EXO1: variants seen among roughly 807,000 people sequenced by gnomAD.
EXO1 encodes exonuclease 1.
A neutral mutation model predicts 84.5 loss-of-function variants in EXO1; 69 were observed. That is an observed-to-expected ratio of 0.82 (90% CI 0.67 to 1.00). The LOEUF is 1.00. Ranked by LOEUF, EXO1 falls within the 50% of genes least tolerant of loss-of-function variation. The probability of loss-of-function intolerance (pLI) is 0.00; values close to 1 mark genes in which losing one functional copy is unlikely to be tolerated. For missense variants in EXO1, 1,045 were observed against 1,000.7 expected (o/e 1.04, Z -0.60); for synonymous variants, 373 against 366.1 (o/e 1.02, Z -0.21).
At chr1:241,868,539 G>A (rs979311887) in intron 11 of EXO1, among the ~76,000 whole-genome samples, 1 of 152,044 alleles carries the variant, frequency 6.6e-6, no homozygotes, top group Non-Finnish European at 1.5e-5. Flanking sequence ...GTGGTGACGT[G>A]TGTCTGTAGT....
At chr1:241,858,814 A>C in intron 8 of EXO1, 96 bp downstream of exon 8, 2 of 877,644 alleles carry the variant, frequency 2.3e-6, no homozygotes, top group Non-Finnish European at 3.7e-6. Flanking sequence ...CTGTTATGCG[A>C]ATAACCTATA....
chr1:241,873,009 A>G (rs2148485212), intron 12 of EXO1, among the ~76,000 whole-genome samples: 1 of 152,054 alleles, frequency 6.6e-6, no homozygotes. Context: ...CATCCTCTCC[A>G]GCATCTGTTG....
At chr1:241,871,981 C>A in intron 11 of EXO1, 51 bp from the exon 12 acceptor site, 3 of 1,457,132 alleles carry the variant, frequency 2.1e-6, no homozygotes, top group African/African-American at 1.4e-5. Flanking sequence ...AAGGCCAAAT[C>A]TCTAAGTACA....
Position 241,857,336 on chromosome 1 carries a change from C to T in EXO1, c.406-9C>T, listed in dbSNP as rs369374399. On this transcript the variant is annotated splice_polypyrimidine_tract_variant and intron_variant, in intron 6 of 15. Transcript: ENST00000366548. ...CGTGCTAGAGATTCACTGTGATTCT[C>T]TCTTCTAGGCTGCCCGGTCTCAGGG... 3.7e-6 allele frequency: 6 copies of T among 1,611,684 alleles called. No individual in the cohort carries two copies. Among genetic ancestry groups the T allele is most frequent in the Non-Finnish European group, 4.2e-6 (5 of 1,178,718 alleles).
intron 12 of EXO1, among the ~76,000 whole-genome samples, chr1:241,875,130 A>G (rs1405597423): frequency 6.6e-6 from 1 of 151,994 alleles, no homozygotes; most frequent in African/African-American, 2.4e-5. Flanking sequence ...CAGCCTCCCG[A>G]GTAGCTGGGA....
intron 12 of EXO1, among the ~76,000 whole-genome samples, chr1:241,873,093 C>CT (rs1469419386): frequency 6.6e-6 from 1 of 150,558 alleles, no homozygotes; most frequent in Non-Finnish European, 1.5e-5. Flanking sequence ...TTTTTTTATA[C>CT]TTTAAGTTCT....
rs1662789807 is a variant in EXO1 at position 241,881,974 on chromosome 1, G to A, written c.2168G>A (p.Arg723His). Residue 723 changes from arginine (R) to histidine (H), a missense_variant, in exon 14 of 16, where the codon CGT becomes CAT. Transcript: ENST00000366548. ...CAAAGTGACCAGACCTCCAAGCTAC[G>A]TTTATCTCATTTCTCAAAAAAAGAC... ...DSQSDQTSKL[R>H]LSHFSKKDTP... 4 of 1,580,232 alleles carry A rather than the reference G, an allele frequency of 2.5e-6. No homozygotes were observed. The highest frequency in any genetic ancestry group is 1.1e-5 in the South Asian group (1 of 89,058).
chr1:241,877,462 C>T (rs1662464590), intron 12 of EXO1, among the ~76,000 whole-genome samples: 1 of 152,060 alleles, frequency 6.6e-6, no homozygotes, highest in African/African-American at 2.4e-5. Flanking sequence ...CTAGTAAGAG[C>T]TTTTCTTCCA....
rs1462424560 is a variant in EXO1 at position 241,848,916 on chromosome 1, A to T, written c.-234A>T. 1.3e-5 allele frequency: 2 copies of T among 152,196 alleles called. No homozygotes were observed. The highest frequency in any genetic ancestry group is 2.9e-5 in the Non-Finnish European group (2 of 68,046). The allele number at this position is 152,196 out of a possible 1,614,324, so 9.4% of individuals were successfully genotyped here. ...ATTCTTACTACGCTAAAGAAGAAAT[A>T]ATTATTCGAGGATATTTGCCTGGCC... On this transcript the variant is annotated 5_prime_UTR_variant, in exon 2 of 16. It removes the in-frame stop codon of an upstream open reading frame in the 5' UTR. Transcript: ENST00000366548. The surrounding 1 kb of genome is among the most constrained non-coding windows in gnomAD (Gnocchi z 4.2).
At chr1:241,862,598 CTTCTA>C (rs943416219) in intron 10 of EXO1, among the ~76,000 whole-genome samples, 4 of 152,192 alleles carry the variant, frequency 2.6e-5, no homozygotes. Flanking sequence ...GTATAACATG[CTTCTA>C]TTCTTTTCTG....
chr1:241,850,535 A>G lies in EXO1; in HGVS notation c.110A>G (p.Lys37Arg), dbSNP rs1558119367. 1 of 1,614,054 alleles carries G rather than the reference A, an allele frequency of 6.2e-7. No homozygotes were observed. ...VAVDTYCWLHKGAIACAEKLA... is the reference protein window; with the variant it reads ...VAVDTYCWLHRGAIACAEKLA... ...GTGGATACATATTGCTGGCTTCACA[A>G]AGGAGCTATTGCTTGTGCTGAAAAA... is the stretch of plus-strand genomic sequence containing the variant. Residue 37 changes from lysine to arginine, a missense_variant, in exon 4 of 16, where the codon AAA (lysine) becomes AGA (arginine). Lys to Arg is a conservative substitution (Grantham distance 26). Transcript: ENST00000366548.
intron 14 of EXO1, among the ~76,000 whole-genome samples, chr1:241,884,995 C>T (rs1405781996): frequency 6.6e-6 from 1 of 152,040 alleles, no homozygotes. Flanking sequence ...ATCACAAGGT[C>T]AGGAGATCGA....
At chr1:241,861,364 G>T in intron 9 of EXO1, 42 bp from the exon 10 acceptor site, 1 of 957,188 alleles carries the variant, frequency 1.0e-6, no homozygotes, top group South Asian at 1.3e-5. Flanking sequence ...TCATTTGGTT[G>T]GTTGTTAATA....
chr1:241,867,020 C>T lies in EXO1; in HGVS notation c.1232C>T (p.Pro411Leu). The stretch of plus-strand genomic sequence containing the variant: ...ATTAGTACTAAAGGGTTAAATCTCC[C>T]AAGGAAATCATCCATTGTGAAAAGA... Reference protein sequence around the residue: ...RVISTKGLNLPRKSSIVKRPR... With the variant: ...RVISTKGLNLLRKSSIVKRPR... The change falls in exon 11 of 16, where the codon CCA (proline) becomes CTA (leucine). Residue 411 changes from proline to leucine, a missense_variant. Physicochemically the swap from Pro to Leu is moderately conservative, Grantham distance 98. Coordinates refer to ENST00000366548, the MANE Select transcript of EXO1 (RefSeq NM_130398.4). The T allele has an allele frequency of 6.2e-7, 1 of 1,613,830 alleles. No individual in the cohort carries two copies. Among genetic ancestry groups the T allele is most frequent in the Non-Finnish European group, 8.5e-7 (1 of 1,179,808 alleles).
chr1:241,879,307 G>A lies in EXO1; in HGVS notation c.2073G>A (p.Lys691=), dbSNP rs1196226931. 6.2e-7 allele frequency: 1 copy of A among 1,605,648 alleles called. No individual in the cohort carries two copies. Among genetic ancestry groups the A allele is most frequent in the Non-Finnish European group, 8.5e-7 (1 of 1,177,304 alleles). Residue 691 remains lysine, a synonymous_variant, in exon 13 of 16, where the codon AAG becomes AAA. Transcript: ENST00000366548. ...EFSLQSSNAS[K]LSQCSSKDSD... is the part of the protein sequence containing the mutation. ...CACTGCAGAGTTCAAATGCATCAAA[G>A]CTTTCTCAGTGCTCTAGTAAGGACT...
At chr1:241,855,947 G>A (rs2995543) in intron 6 of EXO1, among the ~76,000 whole-genome samples, 77,933 of 151,896 alleles carry the variant, frequency 0.51, 20,293 homozygotes, top group East Asian at 0.71. Flanking sequence ...CCCAGTTCTC[G>A]CTGGCGCCTC....
At chr1:241,873,272 G>C (rs181312054) in intron 12 of EXO1, among the ~76,000 whole-genome samples, 22 of 152,244 alleles carry the variant, frequency 1.4e-4, no homozygotes, top group Admixed American at 6.5e-4. Context: ...GGCCAGTGAT[G>C]ATGAGCCTTG....
rs370652280 is a variant in EXO1, at chr1:241,885,314, G to A, written c.2212G>A (p.Val738Ile). ...CTTAAAATGGGTGTTTAATCTTCAG[G>A]TTCCTGGGCTATATAAGTCCAGTTC... ...SKKDTPLRNK[V>I]PGLYKSSSAD... is the part of the protein sequence containing the mutation. Residue 738 changes from valine to isoleucine, a missense_variant and splice_region_variant, in exon 15 of 16, where the codon GTT (valine) becomes ATT (isoleucine). Transcript: ENST00000366548. 22 of 1,612,268 alleles carry A rather than the reference G, an allele frequency of 1.4e-5. No individual in the cohort carries two copies. Among genetic ancestry groups the A allele is most frequent in the Non-Finnish European group, 1.9e-5 (22 of 1,178,944 alleles).
intron 10 of EXO1, among the ~76,000 whole-genome samples, chr1:241,863,935 A>G (rs1302340396): frequency 1.3e-5 from 2 of 152,160 alleles, no homozygotes; most frequent in African/African-American, 2.4e-5. Context: ...CTACTATCAT[A>G]TTTTTATATC....
Sources: gnomAD v4.1 joint callset for allele counts (sites outside exome capture counted in the v4.1 genomes callset) on GRCh38, gnomAD v4.1.1 for gene constraint, Gnocchi (gnomAD v3.1) non-coding constraint, MANE v1.5 for transcripts, NCBI Gene and HGNC (gene_info 2026-07-23, HGNC 2026-07-21) for gene names.